The following SNX29 variants were observed in gnomAD, a reference collection of about 807,000 sequenced individuals.
SNX29 encodes sorting nexin-29.
SNX29 carries 78 observed loss-of-function variants against 102.1 expected under a neutral mutation model. The ratio of observed to expected loss-of-function variants is 0.76; its 90% CI spans 0.64 to 0.92. The LOEUF is 0.92. SNX29 is among the 40% of genes least tolerant of loss of function. SNX29 has a pLI of 0.00. For synonymous variants in SNX29, 580 were observed against 414.5 expected, an observed-to-expected ratio of 1.40 and a Z score of -4.85; for missense variants, 1,280 against 1,061.7, an observed-to-expected ratio of 1.21 and a Z score of -2.86.
At chr16:12,074,524 C>G (rs946649068) in intron 10 of SNX29, among the ~76,000 whole-genome samples, 1 of 152,126 alleles carries the variant, frequency 6.6e-6, no homozygotes, top group Non-Finnish European at 1.5e-5. Flanking sequence ...AAGTTTCTGT[C>G]GAGAGATCCA....
rs117062866 is a variant in SNX29, at chr16:12,554,253, C to A, written c.2319-14253C>A. 6.9e-3 allele frequency among the ~76,000 whole-genome samples: 1,057 copies of A among 152,360 alleles called. 30 individuals are homozygous for A. Among genetic ancestry groups the A allele is most frequent in the Admixed American group, 0.047 (712 of 15,306 alleles). The stretch of plus-strand genomic sequence containing the variant: ...AACATCTCCCTCGGCTGCATCGTCT[C>A]TGCCTTTTGGTGCATCTGTGTATAC... On this transcript the variant is annotated intron_variant, in intron 20 of 20. Coordinates refer to ENST00000566228, the MANE Select transcript of SNX29 (RefSeq NM_032167.5).
At chr16:12,371,361 T>C (rs2082676019) in intron 16 of SNX29, among the ~76,000 whole-genome samples, 1 of 152,028 alleles carries the variant, frequency 6.6e-6, no homozygotes, top group Non-Finnish European at 1.5e-5. Context: ...GGCAGTGGTG[T>C]ACTTATAGCT....
At chr16:12,435,659 G>C (rs1489436210) in intron 18 of SNX29, among the ~76,000 whole-genome samples, 2 of 152,220 alleles carry the variant, frequency 1.3e-5, no homozygotes, top group African/African-American at 4.8e-5. Flanking sequence ...GTTCTCAGCA[G>C]CTGCATCCAG....
intron 20 of SNX29, among the ~76,000 whole-genome samples, chr16:12,536,152 G>T (rs556921401): frequency 1.3e-5 from 2 of 152,174 alleles, no homozygotes; most frequent in Non-Finnish European, 2.9e-5. Flanking sequence ...GCCTGTGAGC[G>T]CAGAATCTCC....
At chr16:12,458,966 A>C (rs147417766) in intron 18 of SNX29, among the ~76,000 whole-genome samples, 2,001 of 152,244 alleles carry the variant, frequency 0.013, 32 homozygotes, top group South Asian at 0.059. Flanking sequence ...TAAGTAAAAC[A>C]TTCTGTTGTA....
chr16:12,046,734 C>G (rs1287899845), intron 6 of SNX29, among the ~76,000 whole-genome samples: 4 of 152,242 alleles, frequency 2.6e-5, no homozygotes, highest in African/African-American at 7.2e-5. Context: ...ATTTTCCTGT[C>G]TCAACCTTCC....
chr16:12,432,814 GA>G (rs1392453366), intron 18 of SNX29, among the ~76,000 whole-genome samples: 1 of 152,214 alleles, frequency 6.6e-6, no homozygotes, highest in Non-Finnish European at 1.5e-5. Flanking sequence ...GTGTAGGGGT[GA>G]GAGGCTGGGT....
intron 1 of SNX29, among the ~76,000 whole-genome samples, chr16:11,978,528 A>C (rs2055350991): frequency 3.3e-5 from 5 of 152,214 alleles, no homozygotes; most frequent in African/African-American, 1.2e-4. Context: ...CATTGTCAGA[A>C]TCTCAGAGCT....
At chr16:12,258,842 A>G (rs905052817) in intron 14 of SNX29, among the ~76,000 whole-genome samples, 4 of 152,062 alleles carry the variant, frequency 2.6e-5, no homozygotes, top group African/African-American at 4.8e-5. Flanking sequence ...TTTTTTATCT[A>G]ATATATAATG....
At chr16:11,985,211 G>A (rs2055569745) in intron 1 of SNX29, among the ~76,000 whole-genome samples, 1 of 152,122 alleles carries the variant, frequency 6.6e-6, no homozygotes, top group African/African-American at 2.4e-5. Flanking sequence ...TGGAAGCAGA[G>A]GTTGGCCAGA....
At chr16:12,044,133 G>A (rs147324694) in intron 5 of SNX29, among the ~76,000 whole-genome samples, 289 of 152,292 alleles carry the variant, frequency 1.9e-3, no homozygotes, top group African/African-American at 6.4e-3. Flanking sequence ...CGACACTGAC[G>A]AATCCTGTTC....
rs115859904 is a variant in SNX29 at position 12,179,924 on chromosome 16, G to A, written c.1596-19677G>A. On this transcript the variant is annotated intron_variant, in intron 13 of 20. Coordinates refer to ENST00000566228, the MANE Select transcript of SNX29 (RefSeq NM_032167.5). ...AACTCTTCTTTCTCTAAACGTCAGC[G>A]ATTTTACTAGACTATATCTAGGTGT... 9.9e-3 allele frequency among the ~76,000 whole-genome samples: 1,513 copies of A among 152,234 alleles called. 25 individuals are homozygous for A. The highest frequency in any genetic ancestry group is 0.034 in the African/African-American group (1,423 of 41,528).
At chr16:12,399,786 G>A (rs952665480) in intron 17 of SNX29, among the ~76,000 whole-genome samples, 3 of 152,104 alleles carry the variant, frequency 2.0e-5, no homozygotes, top group African/African-American at 7.2e-5. Flanking sequence ...TGGGTGAGAG[G>A]TGAAGGATGA....
intron 14 of SNX29, among the ~76,000 whole-genome samples, chr16:12,265,255 CT>C (rs1303278379): frequency 6.6e-6 from 1 of 152,172 alleles, no homozygotes; most frequent in Non-Finnish European, 1.5e-5. Context: ...CACTGTCAAA[CT>C]GCTTTTCACT....
chr16:12,223,891 T>C (rs2077540122), intron 14 of SNX29, among the ~76,000 whole-genome samples: 1 of 152,220 alleles, frequency 6.6e-6, no homozygotes, highest in African/African-American at 2.4e-5. Flanking sequence ...CACAGTACTT[T>C]ATGATACGTT....
intron 18 of SNX29, among the ~76,000 whole-genome samples, chr16:12,464,500 C>T (rs1233074986): frequency 6.6e-6 from 1 of 152,152 alleles, no homozygotes; most frequent in South Asian, 2.1e-4. Context: ...GACACCCAGG[C>T]TGGAGTGCAG....
intron 14 of SNX29, among the ~76,000 whole-genome samples, chr16:12,203,763 G>C (rs1402465144): frequency 6.6e-6 from 1 of 152,206 alleles, no homozygotes; most frequent in African/African-American, 2.4e-5. Context: ...TTTGCCTGAC[G>C]TGAGAGCTTG....
chr16:12,160,842 T>A (rs570027992), intron 13 of SNX29, among the ~76,000 whole-genome samples: 1 of 152,260 alleles, frequency 6.6e-6, no homozygotes, highest in Non-Finnish European at 1.5e-5. Context: ...CATTTCTTGA[T>A]GGCATTATAG....
At chr16:12,016,679 G>C (rs557183706) in intron 3 of SNX29, among the ~76,000 whole-genome samples, 1 of 152,252 alleles carries the variant, frequency 6.6e-6, no homozygotes, top group African/African-American at 2.4e-5. Flanking sequence ...AATGATGTTG[G>C]ACATCTTTTC....
Sources: gnomAD v4.1 joint callset for allele counts (sites outside exome capture counted in the v4.1 genomes callset) on GRCh38, gnomAD v4.1.1 for gene constraint, MANE v1.5 for transcripts, NCBI Gene and HGNC (gene_info 2026-07-23, HGNC 2026-07-21) for gene names.